RYR3: variants seen among roughly 807,000 people sequenced by gnomAD.
RYR3 encodes ryanodine receptor 3.
Under a neutral mutation model 584.3 loss-of-function variants are expected in RYR3, and 207 were observed. The observed-to-expected ratio is 0.35, with a 90% CI of 0.32 to 0.40. RYR3 has a LOEUF of 0.40. Ranked by LOEUF, RYR3 falls within the 10% of genes least tolerant of loss-of-function variation. The probability of loss-of-function intolerance (pLI) is 1.00; values close to 1 mark genes in which losing one functional copy is unlikely to be tolerated. For synonymous variants in RYR3, 2,416 were observed against 2,248.5 expected (o/e 1.07, Z -2.11); for missense variants, 5,616 against 6,089.2 (o/e 0.92, Z 2.59).
At chr15:33,824,438 A>G (rs1015500423) in intron 81 of RYR3, among the ~76,000 whole-genome samples, 2 of 152,224 alleles carry the variant, frequency 1.3e-5, no homozygotes, top group Non-Finnish European at 2.9e-5. Context: ...TGTGTTGCAT[A>G]GATTCAGATT....
intron 12 of RYR3, among the ~76,000 whole-genome samples, chr15:33,574,588 C>T (rs549778450): frequency 6.6e-6 from 1 of 152,290 alleles, no homozygotes; most frequent in East Asian, 1.9e-4. Context: ...CCCCATTATT[C>T]CTTCCCCATT....
intron 19 of RYR3, among the ~76,000 whole-genome samples, chr15:33,616,877 C>T (rs929682225): frequency 6.6e-6 from 1 of 152,306 alleles, no homozygotes; most frequent in East Asian, 1.9e-4. Flanking sequence ...TCTAGTGCAT[C>T]ACATGATGAC....
At chr15:33,799,984 C>T (rs1316643824) in intron 67 of RYR3, among the ~76,000 whole-genome samples, 2 of 152,170 alleles carry the variant, frequency 1.3e-5, no homozygotes, top group African/African-American at 4.8e-5. Flanking sequence ...AATGGCAACT[C>T]ACCCAGCCCT....
At chr15:33,545,778 A>G (rs1457666315) in intron 8 of RYR3, among the ~76,000 whole-genome samples, 1 of 152,168 alleles carries the variant, frequency 6.6e-6, no homozygotes, top group Non-Finnish European at 1.5e-5. Flanking sequence ...CAGCACACTA[A>G]AAGACTCCAG....
At chr15:33,374,364 A>ATGTGTGTGTGTGTGTG (rs138831585) in intron 1 of RYR3, among the ~76,000 whole-genome samples, 19 of 144,906 alleles carry the variant, frequency 1.3e-4, no homozygotes, top group Non-Finnish European at 2.4e-4. Flanking sequence ...GTACGAGTGT[A>ATGTGTGTGTGTGTGTG]TGTGTGTGTG....
intron 42 of RYR3, among the ~76,000 whole-genome samples, chr15:33,705,008 T>A (rs2066584713): frequency 6.6e-6 from 1 of 152,078 alleles, no homozygotes; most frequent in Admixed American, 6.5e-5. Flanking sequence ...CTTCTATTGA[T>A]CACGCCAGAA....
chr15:33,312,644 G>A (rs567820398), intron 1 of RYR3, among the ~76,000 whole-genome samples: 1 of 152,124 alleles, frequency 6.6e-6, no homozygotes, highest in Non-Finnish European at 1.5e-5. Flanking sequence ...TTTCTGCCTT[G>A]TGTCCTCCAT....
intron 1 of RYR3, among the ~76,000 whole-genome samples, chr15:33,425,835 G>T (rs987081833): frequency 2.6e-5 from 4 of 151,858 alleles, no homozygotes; most frequent in Non-Finnish European, 4.4e-5. Context: ...GTAGAGACGG[G>T]GTTTCACCGT....
At chr15:33,415,026 AGCCACTG>A (rs1413564140) in intron 1 of RYR3, among the ~76,000 whole-genome samples, 2 of 152,232 alleles carry the variant, frequency 1.3e-5, no homozygotes, top group African/African-American at 4.8e-5. Flanking sequence ...CCAGTATGGT[AGCCACTG>A]GCCATATGTG....
chr15:33,536,078 G>GA (rs1445362636), intron 5 of RYR3, among the ~76,000 whole-genome samples: 2 of 152,192 alleles, frequency 1.3e-5, no homozygotes, highest in East Asian at 3.9e-4. Flanking sequence ...GCATTACCTG[G>GA]AGATTCTCCT....
chr15:33,533,735 C>T lies in RYR3; in HGVS notation c.433+346C>T, dbSNP rs527652557. Among the ~76,000 whole-genome samples the T allele has an allele frequency of 1.6e-3, 245 of 152,216 alleles. 1 individual carries two copies. Among genetic ancestry groups the T allele is most frequent in the Non-Finnish European group, 2.7e-3 (181 of 68,018 alleles). Reference sequence around the variant, plus strand: ...AAAAATAAAGGTGTCGTAATAAAGGCTTAAATAATGAAATATAGTGTCTAG... The same window carrying T: ...AAAAATAAAGGTGTCGTAATAAAGGTTTAAATAATGAAATATAGTGTCTAG... On this transcript the variant is annotated intron_variant, in intron 5 of 103. Coordinates refer to ENST00000634891, the MANE Select transcript of RYR3 (RefSeq NM_001036.6).
intron 1 of RYR3, among the ~76,000 whole-genome samples, chr15:33,407,290 G>C (rs1184797444): frequency 6.6e-6 from 1 of 152,226 alleles, no homozygotes; most frequent in East Asian, 1.9e-4. Context: ...CTATAGTAGA[G>C]GGTGACGAAG....
intron 1 of RYR3, among the ~76,000 whole-genome samples, chr15:33,416,864 A>G (rs1000556148): frequency 2.0e-5 from 3 of 152,062 alleles, no homozygotes; most frequent in African/African-American, 7.2e-5. Context: ...GTTAATTTTC[A>G]TATATGGTGA....
At chr15:33,857,672 T>A in intron 98 of RYR3, 108 bp from the exon 99 acceptor site, 1 of 1,412,178 alleles carries the variant, frequency 7.1e-7, no homozygotes, top group South Asian at 1.3e-5. Context: ...CCATTTCCTC[T>A]CCTTGCCCGT....
At chr15:33,742,294 G>T in intron 51 of RYR3, 72 bp from the exon 52 acceptor site, 3 of 960,352 alleles carry the variant, frequency 3.1e-6, no homozygotes, top group Non-Finnish European at 5.1e-6. Context: ...TTGATTGGTA[G>T]TTCTGACTAT....
chr15:33,853,219 C>T, intron 95 of RYR3, 132 bp downstream of exon 95: 1 of 938,124 alleles, frequency 1.1e-6, no homozygotes, highest in East Asian at 2.7e-5. Context: ...GAGTAAGTCA[C>T]AGAAGGGGTT....
Position 33,865,258 on chromosome 15 carries a change from C to A in RYR3, c.*32C>A. ...ATCAAAGAAGCGCGACAATTCTGGA[C>A]AGTCAACTTCCCATGAAATAAAGTC... On this transcript the variant is annotated 3_prime_UTR_variant, in exon 104 of 104. Coordinates refer to ENST00000634891, the MANE Select transcript of RYR3 (RefSeq NM_001036.6). The A allele has an allele frequency of 1.3e-6, 2 of 1,484,832 alleles. No individual in the cohort carries two copies. Among genetic ancestry groups the A allele is most frequent in the Admixed American group, 3.5e-5 (2 of 57,748 alleles). The allele number at this position is 1,484,832 out of a possible 1,614,324, so 92.0% of individuals were successfully genotyped here. A position where few individuals can be genotyped will look rare whatever the true frequency, so the allele number is the denominator to read the frequency against.
chr15:33,652,882 A>C lies in RYR3; in HGVS notation c.4307A>C (p.Gln1436Pro), dbSNP rs765877934. 11 of 1,604,978 alleles carry C rather than the reference A, an allele frequency of 6.9e-6. No individual in the cohort carries two copies. In the South Asian group the frequency reaches 1.2e-4, roughly 18 times the overall value. ...GGAAAGGAACTGGGCACCTGCTACC[A>C]GGTAAGGGCGGCTTCTGGGGCCGAA... ...ANGKELGTCY[Q>P]VEPNTKVFPA... Residue 1436 changes from glutamine to proline, a missense_variant and splice_region_variant, in exon 32 of 104, where the codon CAG becomes CCG. This residue lies in a region of RYR3 where 753 missense variants were observed against 741.0 expected (regional missense o/e 1.02). Transcript: ENST00000634891.
intron 93 of RYR3, among the ~76,000 whole-genome samples, chr15:33,848,069 AAACTT>A (rs1178216347): frequency 1.3e-5 from 2 of 152,202 alleles, no homozygotes; most frequent in Non-Finnish European, 2.9e-5. Flanking sequence ...ATCTAACTGA[AAACTT>A]AAAGGGTGAC....
Sources: allele counts gnomAD v4.1 joint callset (sites outside exome capture counted in the v4.1 genomes callset), GRCh38; gene constraint gnomAD v4.1.1; regional missense constraint gnomAD v4.1.1; transcripts MANE v1.5; gene names NCBI Gene and HGNC (gene_info 2026-07-23, HGNC 2026-07-21).